Variants in ARID2 observed in about 807,000 individuals in gnomAD.
ARID2 encodes the protein AT-rich interaction domain 2.
In ARID2, 32 loss-of-function variants were observed where a neutral mutation model predicts 184.6. That is an observed-to-expected ratio of 0.17 (90% CI 0.13 to 0.23). ARID2 has a LOEUF of 0.23. ARID2 is among the 10% of genes least tolerant of loss of function. The probability of loss-of-function intolerance (pLI) is 1.00; values close to 1 mark genes in which losing one functional copy is unlikely to be tolerated. For missense variants in ARID2, 1,696 were observed against 2,197.6 expected (o/e 0.77, Z 4.56); for synonymous variants, 836 against 772.6 (o/e 1.08, Z -1.36).
chr12:45,802,946 T>A (rs1424835182), intron 3 of ARID2, among the ~76,000 whole-genome samples: 1 of 152,148 alleles, frequency 6.6e-6, no homozygotes, highest in Non-Finnish European at 1.5e-5. Context: ...AATCTTCCCT[T>A]CTTTTCCCCT....
At chr12:45,811,964 A>G (rs1350521014) in intron 4 of ARID2, among the ~76,000 whole-genome samples, 1 of 152,004 alleles carries the variant, frequency 6.6e-6, no homozygotes. Context: ...TGATTATTCT[A>G]TTTTCCTGCC....
At chr12:45,890,688 T>C (rs752585241) in intron 16 of ARID2, among the ~76,000 whole-genome samples, 40 of 152,230 alleles carry the variant, frequency 2.6e-4, no homozygotes, top group Non-Finnish European at 5.1e-4. Flanking sequence ...CATTGTGTTA[T>C]ATAATTCAGT....
Position 45,833,013 on chromosome 12 carries a change from G to A in ARID2, c.706-3576G>A, listed in dbSNP as rs1042838123. Among the ~76,000 whole-genome samples the A allele has an allele frequency of 2.6e-5, 4 of 152,022 alleles. 1 individual carries two copies. The South Asian group carries it at 8.3e-4, about 32-fold the overall frequency. On this transcript the variant is annotated intron_variant, in intron 6 of 20. Coordinates refer to ENST00000334344, the MANE Select transcript of ARID2 (RefSeq NM_152641.4). ...CTGAATATGTATATTAGATCATGGG[G>A]GTGTTCCACAGGTCACTGAAGCTCT...
At chr12:45,775,476 A>G (rs1332532996) in intron 3 of ARID2, among the ~76,000 whole-genome samples, 2 of 152,156 alleles carry the variant, frequency 1.3e-5, no homozygotes, top group Non-Finnish European at 2.9e-5. Flanking sequence ...AAGTTTTCAA[A>G]TTTTTTCTCT....
At chr12:45,861,905 T>C (rs934523646) in intron 16 of ARID2, among the ~76,000 whole-genome samples, 1 of 152,180 alleles carries the variant, frequency 6.6e-6, no homozygotes, top group African/African-American at 2.4e-5. Flanking sequence ...ACACTGTTCA[T>C]TTTTTAGATA....
At chr12:45,807,725 G>A (rs1045768900) in intron 3 of ARID2, among the ~76,000 whole-genome samples, 3 of 152,094 alleles carry the variant, frequency 2.0e-5, no homozygotes, top group African/African-American at 7.2e-5. Flanking sequence ...GTAGTTTTCT[G>A]TGTGAATTGA....
At chr12:45,777,203 TAAAGA>T (rs1942001194) in intron 3 of ARID2, among the ~76,000 whole-genome samples, 1 of 152,096 alleles carries the variant, frequency 6.6e-6, no homozygotes, top group African/African-American at 2.4e-5. Flanking sequence ...TGCAATTATT[TAAAGA>T]AAAGAAGTCT....
rs1466100315 is a variant in ARID2, at chr12:45,899,707, ATG to A, written c.5364-5226_5364-5225del. ...TATATATATATGGTTATATATATAT[ATG>A]GTTATATATATATGGTTATATATAT... is the stretch of plus-strand genomic sequence containing the variant. On this transcript the variant is annotated intron_variant, in intron 20 of 20. Coordinates refer to ENST00000334344, the MANE Select transcript of ARID2 (RefSeq NM_152641.4). 7.4e-4 allele frequency among the ~76,000 whole-genome samples: 97 copies of A among 130,980 alleles called. 1 individual carries two copies. Among genetic ancestry groups the A allele is most frequent in the African/African-American group, 3.0e-3 (94 of 31,678 alleles). 85.9% of individuals were successfully genotyped at this position (130,980 alleles called of 152,430 possible).
At chr12:45,844,920 A>T (rs1016804607) in intron 11 of ARID2, among the ~76,000 whole-genome samples, 1 of 152,224 alleles carries the variant, frequency 6.6e-6, no homozygotes, top group African/African-American at 2.4e-5. Context: ...AGAAAAAATT[A>T]TCAAAGAGGA....
At position 45,850,424 on chromosome 12, in the gene ARID2, T is replaced by G. The variant is rs1401496896; in HGVS notation, c.2301T>G (p.Ser767=). ...CTCAGACATTGCTTCACCATCCATC[T>G]GTAATTCCACAGCAGTCTCCATTAC... ...VNSQTLLHHP[S]VIPQQSPLHT... Residue 767 remains serine, a synonymous_variant, in exon 15 of 21, where the codon TCT becomes TCG. Coordinates refer to ENST00000334344, the MANE Select transcript of ARID2 (RefSeq NM_152641.4). 1 of 1,614,090 alleles carries G rather than the reference T, an allele frequency of 6.2e-7. No individual in the cohort carries two copies. Among genetic ancestry groups the G allele is most frequent in the African/African-American group, 1.3e-5 (1 of 75,048 alleles).
chr12:45,750,212 G>A (rs910707704), intron 3 of ARID2, among the ~76,000 whole-genome samples: 2 of 152,142 alleles, frequency 1.3e-5, no homozygotes, highest in Non-Finnish European at 2.9e-5. Flanking sequence ...GTGTCTCAGG[G>A]TATAGGGATG....
At chr12:45,792,691 C>G (rs943822832) in intron 3 of ARID2, among the ~76,000 whole-genome samples, 2 of 151,648 alleles carry the variant, frequency 1.3e-5, no homozygotes, top group Admixed American at 1.3e-4. Flanking sequence ...ATTTTGCATT[C>G]TATGTTTTGG....
intron 3 of ARID2, among the ~76,000 whole-genome samples, chr12:45,765,460 C>T (rs1941755062): frequency 6.6e-6 from 1 of 151,384 alleles, no homozygotes; most frequent in African/African-American, 2.4e-5. Flanking sequence ...ATCCTCCTGC[C>T]TTAGCCTCCT....
intron 18 of ARID2, among the ~76,000 whole-genome samples, chr12:45,892,585 A>G (rs1342492237): frequency 6.6e-6 from 1 of 152,174 alleles, no homozygotes; most frequent in Non-Finnish European, 1.5e-5. Context: ...AAATAATTTA[A>G]TATTCAGAAT....
At chr12:45,800,451 C>T (rs1454043660) in intron 3 of ARID2, among the ~76,000 whole-genome samples, 1 of 152,062 alleles carries the variant, frequency 6.6e-6, no homozygotes, top group Non-Finnish European at 1.5e-5. Flanking sequence ...AAAGAGATAA[C>T]TGTGATGTTG....
chr12:45,743,209 A>C (rs979201346), intron 3 of ARID2, among the ~76,000 whole-genome samples: 12 of 151,866 alleles, frequency 7.9e-5, no homozygotes, highest in East Asian at 1.9e-4. Context: ...AAAAAAAAAA[A>C]CATACAAAAA....
intron 3 of ARID2, among the ~76,000 whole-genome samples, chr12:45,732,432 G>GACA (rs1430051895): frequency 6.6e-6 from 1 of 152,122 alleles, no homozygotes; most frequent in African/African-American, 2.4e-5. Flanking sequence ...AGAACTTTGT[G>GACA]GAGTAGTTAT....
At chr12:45,749,144 A>G (rs1004929831) in intron 3 of ARID2, among the ~76,000 whole-genome samples, 2 of 152,176 alleles carry the variant, frequency 1.3e-5, no homozygotes, top group Non-Finnish European at 2.9e-5. Context: ...TACAAAATGT[A>G]TTTCTTAAGT....
intron 20 of ARID2, among the ~76,000 whole-genome samples, chr12:45,898,113 A>T (rs1944394291): frequency 6.6e-6 from 1 of 152,174 alleles, no homozygotes; most frequent in East Asian, 1.9e-4. Flanking sequence ...AGGAAAAAAA[A>T]TTCTGACATA....
Sources: gnomAD v4.1 joint callset for allele counts (sites outside exome capture counted in the v4.1 genomes callset) on GRCh38, gnomAD v4.1.1 for gene constraint, MANE v1.5 for transcripts, NCBI Gene and HGNC (gene_info 2026-07-23, HGNC 2026-07-21) for gene names.